Variants in ST6GAL1 observed in about 807,000 individuals in gnomAD.
ST6GAL1 encodes ST6 beta-galactoside alpha-2,6-sialyltransferase 1.
ST6GAL1 carries 20 observed loss-of-function variants against 38.0 expected under a neutral mutation model. The observed-to-expected ratio is 0.53, with a 90% confidence interval of 0.37 to 0.77. The LOEUF is 0.77. ST6GAL1 is among the 30% of genes least tolerant of loss of function. The pLI is 0.00. For synonymous variants in ST6GAL1, 196 were observed against 188.2 expected (o/e 1.04, Z -0.34); for missense variants, 432 against 496.4 (o/e 0.87, Z 1.23).
At position 187,043,063 on chromosome 3, in the gene ST6GAL1, C is replaced by G; in HGVS notation, c.360C>G (p.Asn120Lys). The stretch of plus-strand genomic sequence containing the variant: ...TCTGGAAGAATTACCTAAGCATGAA[C>G]AAGTACAAAGTGTCCTACAAGGGGC... ...QKIWKNYLSM[N>K]KYKVSYKGPG... is the part of the protein sequence containing the mutation. The change falls in exon 4 of 8, where the codon AAC becomes AAG. Residue 120 changes from asparagine to lysine, a missense_variant. Transcript: ENST00000169298. The G allele has an allele frequency of 6.2e-7, 1 of 1,614,204 alleles. No homozygotes were observed. The highest frequency in any genetic ancestry group is 8.5e-7 in the Non-Finnish European group (1 of 1,180,036).
chr3:187,057,933 C>G (rs6803087), intron 5 of ST6GAL1, among the ~76,000 whole-genome samples: 15,120 of 152,202 alleles, frequency 0.099, 2,523 homozygotes, highest in African/African-American at 0.34. Context: ...GCCTGGCTGA[C>G]CTGCAGTGGG....
intron 5 of ST6GAL1, among the ~76,000 whole-genome samples, chr3:187,066,150 G>A (rs958306539): frequency 6.6e-6 from 1 of 152,192 alleles, no homozygotes; most frequent in African/African-American, 2.4e-5. Flanking sequence ...GGGTGATTTT[G>A]ATGGAACCCC....
intron 5 of ST6GAL1, among the ~76,000 whole-genome samples, chr3:187,056,496 G>C (rs1176867855): frequency 6.6e-6 from 1 of 152,090 alleles, no homozygotes; most frequent in Non-Finnish European, 1.5e-5. Flanking sequence ...AGGCAGGCCT[G>C]GTGGTGACAA....
intron 2 of ST6GAL1, among the ~76,000 whole-genome samples, chr3:186,981,217 G>A (rs1715688050): frequency 6.6e-6 from 1 of 152,244 alleles, no homozygotes; most frequent in African/African-American, 2.4e-5. Context: ...AGTGAGGACA[G>A]TGAGCTTTTG....
intron 5 of ST6GAL1, chr3:187,064,610 T>G (rs2108597056): frequency 2.2e-6 from 1 of 456,714 alleles, no homozygotes; most frequent in East Asian, 6.9e-5. Context: ...TTCCTGCTGC[T>G]TCTTAGGCAA....
intron 1 of ST6GAL1, chr3:186,931,183 G>GTTTGGGTTCCTTCAAATCCTGCCT (rs1354881561): frequency 2.3e-5 from 3 of 129,566 alleles, no homozygotes; most frequent in South Asian, 4.7e-4. Flanking sequence ...GCCTTGCAGA[G>GTTTGGGTTCCTTCAAATCCTGCCT]TCTGGGTTTA....
At position 186,930,648 on chromosome 3, in the gene ST6GAL1, T is replaced by G. The variant is rs1029376122; in HGVS notation, c.-511T>G. 3 of 152,490 alleles carry G rather than the reference T, an allele frequency of 2.0e-5. No homozygotes were observed. The highest frequency in any genetic ancestry group is 7.2e-5 in the African/African-American group (3 of 41,474). The allele number at this position is 152,490 out of a possible 1,614,324, so 9.4% of individuals were successfully genotyped here. On this transcript the variant is annotated 5_prime_UTR_variant, in exon 1 of 8. Transcript: ENST00000169298. ...CCCAGCTCCCGGGCGATCCTGCCCT[T>G]GCCGAGCGCGTTTTCTGGAGTCACC... is the stretch of plus-strand genomic sequence containing the variant.
intron 2 of ST6GAL1, among the ~76,000 whole-genome samples, chr3:187,021,353 G>A (rs1477240663): frequency 6.6e-6 from 1 of 152,162 alleles, no homozygotes; most frequent in African/African-American, 2.4e-5. Flanking sequence ...AGACTTCAGG[G>A]ACAGGCCCTA....
chr3:187,022,207 C>T (rs902058902), intron 2 of ST6GAL1, among the ~76,000 whole-genome samples: 2 of 152,202 alleles, frequency 1.3e-5, no homozygotes, highest in African/African-American at 4.8e-5. Flanking sequence ...AGTGTTGGAA[C>T]TGAATTAGAG....
intron 5 of ST6GAL1, among the ~76,000 whole-genome samples, chr3:187,055,239 CAAA>C (rs57686263): frequency 1.0e-3 from 146 of 145,558 alleles, no homozygotes; most frequent in South Asian, 8.2e-3. Flanking sequence ...TTGATCTTTT[CAAA>C]AAAAAAAAAA....
At chr3:187,030,317 G>A (rs1180616884) in intron 2 of ST6GAL1, among the ~76,000 whole-genome samples, 2 of 152,222 alleles carry the variant, frequency 1.3e-5, no homozygotes, top group African/African-American at 2.4e-5. Flanking sequence ...CTGACAAATA[G>A]CATGTGTTAG....
At chr3:186,931,108 C>T (rs966943390) in intron 1 of ST6GAL1, 1 of 152,400 alleles carries the variant, frequency 6.6e-6, no homozygotes, top group South Asian at 2.1e-4. Context: ...GTGCGCACAG[C>T]CCCGGGGAAC....
intron 4 of ST6GAL1, among the ~76,000 whole-genome samples, chr3:187,050,271 T>C: frequency 6.7e-6 from 1 of 149,828 alleles, no homozygotes; most frequent in East Asian, 2.0e-4. Context: ...ATTTCAGTGG[T>C]GAGCCCCAAA....
intron 2 of ST6GAL1, among the ~76,000 whole-genome samples, chr3:186,981,552 T>C (rs1715699986): frequency 6.6e-6 from 1 of 152,258 alleles, no homozygotes; most frequent in African/African-American, 2.4e-5. Context: ...TCCGCTGTCA[T>C]GCCACCAATA....
chr3:187,031,803 A>T (rs1042891867), intron 2 of ST6GAL1, among the ~76,000 whole-genome samples: 2 of 152,144 alleles, frequency 1.3e-5, no homozygotes, highest in African/African-American at 2.4e-5. Context: ...TACTATTTCT[A>T]TTTTATAGAT....
At chr3:187,002,130 A>G (rs960379330) in intron 2 of ST6GAL1, among the ~76,000 whole-genome samples, 3 of 152,200 alleles carry the variant, frequency 2.0e-5, no homozygotes, top group African/African-American at 7.2e-5. Context: ...GTTTAAGGCC[A>G]TCTTGAAACA....
At chr3:187,060,378 C>T (rs558388951) in intron 5 of ST6GAL1, among the ~76,000 whole-genome samples, 1 of 152,274 alleles carries the variant, frequency 6.6e-6, no homozygotes, top group South Asian at 2.1e-4. Context: ...CCAGGTTAGT[C>T]TCAAACTCCT....
intron 2 of ST6GAL1, among the ~76,000 whole-genome samples, chr3:186,989,737 A>G (rs1716088624): frequency 6.6e-6 from 1 of 152,204 alleles, no homozygotes; most frequent in African/African-American, 2.4e-5. Flanking sequence ...TATGTAAGAT[A>G]ATTAGTATTC....
chr3:187,027,091 A>G (rs1717566914), intron 2 of ST6GAL1, among the ~76,000 whole-genome samples: 1 of 151,824 alleles, frequency 6.6e-6, no homozygotes, highest in Admixed American at 6.6e-5. Context: ...AATAAAATAA[A>G]CAAATAAATA....
Sources: gnomAD v4.1 joint callset for allele counts (sites outside exome capture counted in the v4.1 genomes callset) on GRCh38, gnomAD v4.1.1 for gene constraint, MANE v1.5 for transcripts, NCBI Gene and HGNC (gene_info 2026-07-23, HGNC 2026-07-21) for gene names.